PCDHA7: variants seen among roughly 807,000 people sequenced by gnomAD.
PCDHA7 encodes the protein protocadherin alpha 7, also known as protocadherin alpha-7.
A neutral mutation model predicts 57.2 loss-of-function variants in PCDHA7; 37 were observed. The observed-to-expected ratio is 0.65, with a 90% CI of 0.50 to 0.85. PCDHA7 has a LOEUF of 0.85. Among genes scored for constraint, PCDHA7 ranks in the 40% least tolerant of loss-of-function variants. The pLI is 0.00. For missense variants in PCDHA7, 1,188 were observed against 1,241.8 expected (o/e 0.96, Z 0.65); for synonymous variants, 553 against 558.8 (o/e 0.99, Z 0.15).
Position 140,850,846 on chromosome 5 carries a change from A to G in PCDHA7, c.2355+14108A>G, listed in dbSNP as rs1183689960. 8 of 1,596,424 alleles carry G rather than the reference A, an allele frequency of 5.0e-6. 2 individuals carry two copies. Among genetic ancestry groups the G allele is most frequent in the Non-Finnish European group, 6.0e-6 (7 of 1,166,358 alleles). On this transcript the variant is annotated intron_variant, in intron 1 of 3. Coordinates refer to ENST00000525929, the MANE Select transcript of PCDHA7 (RefSeq NM_018910.3). ...CTTTCTCCTTGTGCTGGATCTACAG[A>G]GCGAACGGGAGAACCCTCTGCTTCC...
At chr5:140,866,070 T>C (rs1446078370) in intron 1 of PCDHA7, 1 of 152,178 alleles carries the variant, frequency 6.6e-6, no homozygotes, top group Non-Finnish European at 1.5e-5. Flanking sequence ...CACACTGAGA[T>C]AGGTATTTTG....
At chr5:140,999,836 A>G (rs1554257003) in intron 3 of PCDHA7, among the ~76,000 whole-genome samples, 1 of 152,210 alleles carries the variant, frequency 6.6e-6, no homozygotes, top group African/African-American at 2.4e-5. Flanking sequence ...AAAATATGCC[A>G]AGTGTATTTA....
chr5:140,928,637 A>C (rs781828981), intron 1 of PCDHA7: 1 of 1,614,202 alleles, frequency 6.2e-7, no homozygotes, highest in South Asian at 1.1e-5. Context: ...TTGGTCACAA[A>C]AGTGGTAGCA....
intron 1 of PCDHA7, among the ~76,000 whole-genome samples, chr5:140,939,327 C>T (rs2092367339): frequency 6.6e-6 from 1 of 152,146 alleles, no homozygotes; most frequent in South Asian, 2.1e-4. Flanking sequence ...ATATCATAAT[C>T]TTAGGGGTTA....
At chr5:140,949,626 G>A (rs2094403314) in intron 1 of PCDHA7, among the ~76,000 whole-genome samples, 1 of 151,546 alleles carries the variant, frequency 6.6e-6, no homozygotes, top group Non-Finnish European at 1.5e-5. Context: ...CTGTTTTCAT[G>A]GCATATTGCT....
At chr5:140,869,203 TC>T in intron 1 of PCDHA7, 30 of 1,614,000 alleles carry the variant, frequency 1.9e-5, no homozygotes, top group Non-Finnish European at 2.5e-5. Flanking sequence ...GCTCCACTAC[TC>T]CGTCTCGGAG....
chr5:140,874,360 A>T (rs2054861600), intron 1 of PCDHA7, among the ~76,000 whole-genome samples: 2 of 152,234 alleles, frequency 1.3e-5, no homozygotes. Context: ...TGAATTAATG[A>T]ATAAACTCAT....
intron 3 of PCDHA7, among the ~76,000 whole-genome samples, chr5:141,000,421 A>ATATAT (rs1265241806): frequency 3.6e-5 from 1 of 27,980 alleles, no homozygotes; most frequent in East Asian, 1.4e-3. Flanking sequence ...ATATATATAT[A>ATATAT]TTTTTTTTTT....
At chr5:140,882,755 G>A in intron 1 of PCDHA7, 2 of 1,614,230 alleles carry the variant, frequency 1.2e-6, no homozygotes, top group Non-Finnish European at 1.7e-6. Context: ...TGCAGATATT[G>A]GAGTAAACTC....
chr5:140,908,824 C>T (rs1199416548), intron 1 of PCDHA7, among the ~76,000 whole-genome samples: 1 of 152,082 alleles, frequency 6.6e-6, no homozygotes, highest in African/African-American at 2.4e-5. Flanking sequence ...TTGGGTTACT[C>T]GATAAATGGG....
intron 1 of PCDHA7, chr5:140,871,014 C>T (rs1554164974): frequency 1.2e-6 from 2 of 1,613,178 alleles, no homozygotes; most frequent in Admixed American, 1.7e-5. Flanking sequence ...GTGCCCTGGA[C>T]GAGGCAGACT....
chr5:140,972,398 A>G (rs2096535021), intron 1 of PCDHA7, among the ~76,000 whole-genome samples: 1 of 151,358 alleles, frequency 6.6e-6, no homozygotes, highest in Non-Finnish European at 1.5e-5. Flanking sequence ...TTGCTTCACT[A>G]TTGGCAAACC....
Position 140,835,484 on chromosome 5 carries a change from C to T in PCDHA7, c.1101C>T (p.Thr367=), listed in dbSNP as rs2150236532. 3 of 1,613,926 alleles carry T rather than the reference C, an allele frequency of 1.9e-6. No homozygotes were observed. Among genetic ancestry groups the T allele is most frequent in the Non-Finnish European group, 8.5e-7 (1 of 1,179,882 alleles). Residue 367 remains threonine (T), a synonymous_variant, in exon 1 of 4, where the codon ACC becomes ACT. Transcript: ENST00000525929. ...TTCCAGAGGACGCCCAACCAGGTAC[C>T]GTCATCACATTGATTAGCGTGTTTG... ...LPIPEDAQPG[T]VITLISVFDR... is the part of the protein sequence containing the mutation.
intron 1 of PCDHA7, chr5:140,858,018 C>G (rs1562532510): frequency 6.3e-7 from 1 of 1,596,908 alleles, no homozygotes; most frequent in Non-Finnish European, 8.6e-7. Flanking sequence ...GGCGAGCCGT[C>G]GCTGACGGCC....
chr5:140,869,307 C>G, intron 1 of PCDHA7: 2 of 1,613,664 alleles, frequency 1.2e-6, no homozygotes, highest in Non-Finnish European at 1.7e-6. Flanking sequence ...GGGTGGCGTC[C>G]AAAACACATG....
chr5:140,885,410 G>A (rs1203684049), intron 1 of PCDHA7, among the ~76,000 whole-genome samples: 3 of 152,088 alleles, frequency 2.0e-5, no homozygotes, highest in Non-Finnish European at 4.4e-5. Flanking sequence ...TTTAATAGCT[G>A]TGTAGTATTC....
chr5:140,918,210 A>T (rs2078574076), intron 1 of PCDHA7, among the ~76,000 whole-genome samples: 1 of 152,152 alleles, frequency 6.6e-6, no homozygotes, highest in Non-Finnish European at 1.5e-5. Context: ...TTGTTGGTGT[A>T]CAGAAATGCT....
rs1554151191 is a variant in PCDHA7, at chr5:140,858,123, T to A, written c.2355+21385T>A. The A allele has an allele frequency of 6.3e-7, 1 of 1,597,678 alleles. No individual in the cohort carries two copies. Among genetic ancestry groups the A allele is most frequent in the South Asian group, 1.1e-5 (1 of 90,530 alleles). ...GGCGTGGCGCCCGAGGTGGCCCTGG[T>A]GGATGTCAACGTGTACCTGATCATC... On this transcript the variant is annotated intron_variant, in intron 1 of 3. Coordinates refer to ENST00000525929, the MANE Select transcript of PCDHA7 (RefSeq NM_018910.3).
At position 140,835,666 on chromosome 5, in the gene PCDHA7, G is replaced by C; in HGVS notation, c.1283G>C (p.Arg428Pro). 6.2e-7 allele frequency: 1 copy of C among 1,613,936 alleles called. No homozygotes were observed. Among genetic ancestry groups the C allele is most frequent in the South Asian group, 1.1e-5 (1 of 91,078 alleles). Residue 428 changes from arginine (R) to proline (P), a missense_variant, in exon 1 of 4, where the codon CGG (arginine) becomes CCG (proline). By Grantham distance (103) the Arg-to-Pro change is moderately radical. Around this residue, in one of 3 missense-constraint regions of PCDHA7, gnomAD observed 892 missense variants for 788.5 expected, o/e 1.13. Transcript: ENST00000525929. ...GCCTATGAGCTGGTGGTTACCGCGCGGGACGGGGGCTCGCCTTCTCTGTGG... is the reference window on the plus strand; with the variant it reads ...GCCTATGAGCTGGTGGTTACCGCGCCGGACGGGGGCTCGCCTTCTCTGTGG... ...VSAYELVVTA[R>P]DGGSPSLWAT... is the part of the protein sequence containing the mutation.
Sources: gnomAD v4.1 joint callset for allele counts (sites outside exome capture counted in the v4.1 genomes callset) on GRCh38, gnomAD v4.1.1 for gene constraint, gnomAD v4.1.1 regional missense constraint, MANE v1.5 for transcripts, NCBI Gene and HGNC (gene_info 2026-07-23, HGNC 2026-07-21) for gene names.